TNPO1: variants seen among roughly 807,000 people sequenced by gnomAD.
TNPO1 encodes the protein transportin 1, also known as transportin-1.
A neutral mutation model predicts 119.5 loss-of-function variants in TNPO1; 8 were observed. The observed-to-expected ratio is 0.07, with a 90% confidence interval of 0.04 to 0.12. TNPO1 has a LOEUF of 0.12. TNPO1 is among the 10% of genes least tolerant of loss of function. TNPO1 has a pLI of 1.00. For synonymous variants in TNPO1, 362 were observed against 363.0 expected (o/e 1.00, Z 0.03); for missense variants, 576 against 1,089.8 (o/e 0.53, Z 6.64).
intron 8 of TNPO1, among the ~76,000 whole-genome samples, chr5:72,876,257 T>C (rs977598823): frequency 6.6e-6 from 1 of 152,196 alleles, no homozygotes; most frequent in Non-Finnish European, 1.5e-5. Flanking sequence ...TAGGACATGA[T>C]GTATCATGTA....
intron 21 of TNPO1, among the ~76,000 whole-genome samples, chr5:72,900,330 AAAG>A (rs1334167675): frequency 1.3e-5 from 2 of 152,200 alleles, no homozygotes; most frequent in African/African-American, 4.8e-5. Flanking sequence ...CTGTGTTAAA[AAAG>A]CTTGATTATA....
intron 16 of TNPO1, 42 bp downstream of exon 16, chr5:72,893,288 C>T (rs1386442536): frequency 6.2e-7 from 1 of 1,605,036 alleles, no homozygotes; most frequent in South Asian, 1.1e-5. Flanking sequence ...ACATGGTGGA[C>T]ATTTTTCTAA....
In TNPO1 at chr5:72,893,210, T is replaced by C; in HGVS notation, c.1860T>C (p.Cys620=). ...LPYCEPVYQR[C]VNLVQKTLAQ... is the part of the protein sequence containing the mutation. ...ACTGTGAACCTGTGTATCAGCGTTGTGTAAACCTAGTACAGAAGACTCTTG... is the reference window on the plus strand; with the variant it reads ...ACTGTGAACCTGTGTATCAGCGTTGCGTAAACCTAGTACAGAAGACTCTTG... The change falls in exon 16 of 25, where the codon TGT becomes TGC. Residue 620 remains cysteine, a synonymous_variant. Coordinates refer to ENST00000337273, the MANE Select transcript of TNPO1 (RefSeq NM_002270.4). 1.9e-6 allele frequency: 3 copies of C among 1,614,202 alleles called. No homozygotes were observed. The highest frequency in any genetic ancestry group is 2.5e-6 in the Non-Finnish European group (3 of 1,180,022).
At chr5:72,888,514 A>G (rs1490541035) in intron 13 of TNPO1, among the ~76,000 whole-genome samples, 1 of 152,148 alleles carries the variant, frequency 6.6e-6, no homozygotes, top group Non-Finnish European at 1.5e-5. Flanking sequence ...CGTATTTTAT[A>G]CATTTTGTTT....
chr5:72,830,264 T>TAC (rs1393412611), intron 1 of TNPO1, among the ~76,000 whole-genome samples: 1 of 152,150 alleles, frequency 6.6e-6, no homozygotes, highest in East Asian at 1.9e-4. Flanking sequence ...AAGCAGAATA[T>TAC]ACACACACTC....
intron 11 of TNPO1, among the ~76,000 whole-genome samples, chr5:72,883,979 G>A (rs1282168138): frequency 2.0e-5 from 3 of 151,850 alleles, no homozygotes; most frequent in Non-Finnish European, 4.4e-5. Flanking sequence ...TGAACTGTTG[G>A]GCTCAAGCGA....
intron 4 of TNPO1, among the ~76,000 whole-genome samples, chr5:72,860,057 A>G (rs1172918892): frequency 1.3e-5 from 2 of 152,098 alleles, no homozygotes; most frequent in African/African-American, 2.4e-5. Flanking sequence ...CTTACTATAC[A>G]ATTTAATTTT....
At chr5:72,843,248 A>G (rs1044005906) in intron 1 of TNPO1, among the ~76,000 whole-genome samples, 1 of 152,216 alleles carries the variant, frequency 6.6e-6, no homozygotes, top group East Asian at 1.9e-4. Flanking sequence ...TCAATTTTAC[A>G]TATACATGTG....
At chr5:72,862,908 A>G (rs967835717) in intron 5 of TNPO1, among the ~76,000 whole-genome samples, 20 of 151,946 alleles carry the variant, frequency 1.3e-4, no homozygotes, top group African/African-American at 4.1e-4. Flanking sequence ...TCAACCTCCC[A>G]AAGTGTTAGG....
intron 13 of TNPO1, among the ~76,000 whole-genome samples, chr5:72,888,753 G>A (rs1007099976): frequency 5.3e-5 from 8 of 152,192 alleles, no homozygotes; most frequent in African/African-American, 1.9e-4. Context: ...TAGACTACAG[G>A]TCAACCACCA....
chr5:72,894,347 C>T (rs1443649493), intron 18 of TNPO1, among the ~76,000 whole-genome samples: 2 of 151,960 alleles, frequency 1.3e-5, no homozygotes, highest in African/African-American at 4.8e-5. Flanking sequence ...TTTTTTCCCC[C>T]TTTTCTGCAT....
At chr5:72,891,945 A>G in intron 15 of TNPO1, 49 bp downstream of exon 15, 3 of 1,409,318 alleles carry the variant, frequency 2.1e-6, no homozygotes, top group Non-Finnish European at 3.0e-6. Context: ...CACATGTTCA[A>G]ATCCAAAATG....
At chr5:72,840,110 G>T (rs192808922) in intron 1 of TNPO1, among the ~76,000 whole-genome samples, 3 of 152,302 alleles carry the variant, frequency 2.0e-5, no homozygotes, top group African/African-American at 7.2e-5. Context: ...GAAAGGGAAA[G>T]AGTTGTATAA....
Position 72,897,115 on chromosome 5 carries a change from A to C in TNPO1, c.2302A>C (p.Arg768=), listed in dbSNP as rs1749489865. 6 of 1,612,204 alleles carry C rather than the reference A, an allele frequency of 3.7e-6. No homozygotes were observed. Among genetic ancestry groups the C allele is most frequent in the Non-Finnish European group, 5.1e-6 (6 of 1,179,352 alleles). Residue 768 remains arginine (R), a synonymous_variant, in exon 20 of 25, where the codon AGA becomes CGA. Transcript: ENST00000337273. ...GCACCAGCTTGTAGAAATCATTAAC[A>C]GACCCAACACACCAAAGACGTTGTT... ...VLHQLVEIIN[R]PNTPKTLLEN...
At position 72,861,771 on chromosome 5, in the gene TNPO1, C is replaced by A. The variant is rs376254935; in HGVS notation, c.356-37C>A. ...TCACATGGCAATGCCTGACATAATG[C>A]TGTTGGATTTCCTAAAGAAGTGTGT... On this transcript the variant is annotated intron_variant, in intron 4 of 24. Coordinates refer to ENST00000337273, the MANE Select transcript of TNPO1 (RefSeq NM_002270.4). The A allele has an allele frequency of 5.6e-6, 8 of 1,419,934 alleles. No homozygotes were observed. The African/African-American group carries it at 9.9e-5, about 18-fold the overall frequency. The allele number at this position is 1,419,934 out of a possible 1,614,324, so 88.0% of individuals were successfully genotyped here.
chr5:72,872,676 A>G lies in TNPO1; in HGVS notation c.634A>G (p.Ser212Gly). ...AVACVNQFII[S>G]RTQALMLHID... ...TGCATGTGTCAATCAGTTTATCATC[A>G]GTAGGACTCAAGCTCTAATGTTGCA... The change falls in exon 7 of 25, where the codon AGT becomes GGT. Residue 212 changes from serine to glycine, a missense_variant. Coordinates refer to ENST00000337273, the MANE Select transcript of TNPO1 (RefSeq NM_002270.4). 1 of 1,611,174 alleles carries G rather than the reference A, an allele frequency of 6.2e-7. No homozygotes were observed. Among genetic ancestry groups the G allele is most frequent in the Non-Finnish European group, 8.5e-7 (1 of 1,178,752 alleles).
At chr5:72,884,383 A>C (rs567256859) in intron 11 of TNPO1, among the ~76,000 whole-genome samples, 1 of 152,264 alleles carries the variant, frequency 6.6e-6, no homozygotes, top group African/African-American at 2.4e-5. Context: ...ATACTGTAAG[A>C]ACATTGCCAC....
chr5:72,879,340 A>G (rs970667389), intron 9 of TNPO1, among the ~76,000 whole-genome samples: 4 of 152,238 alleles, frequency 2.6e-5, no homozygotes, highest in Non-Finnish European at 4.4e-5. Context: ...AACCTAGGCT[A>G]TAACATTAGA....
Position 72,868,431 on chromosome 5 carries a change from C to CAAAAAAAAAAAAAA in TNPO1, c.596+2717_596+2730dup, listed in dbSNP as rs200691585. Reference sequence around the variant, plus strand: ...TGGATGACAGAGCAAGACTCCGTCTCAAAAAAAAAAAAAAAAAAAAAAAAA... The same window carrying CAAAAAAAAAAAAAA: ...TGGATGACAGAGCAAGACTCCGTCTCAAAAAAAAAAAAAAAAAAAAAAAAAAAAAAAAAAAAAAA... On this transcript the variant is annotated intron_variant, in intron 6 of 24. Coordinates refer to ENST00000337273, the MANE Select transcript of TNPO1 (RefSeq NM_002270.4). 4.4e-4 allele frequency among the ~76,000 whole-genome samples: 12 copies of CAAAAAAAAAAAAAA among 27,070 alleles called. 1 individual carries two copies. The highest frequency in any genetic ancestry group is 6.3e-4 in the Non-Finnish European group (9 of 14,212). The allele number at this position is 27,070 out of a possible 152,430, so 17.8% of individuals were successfully genotyped here.
Sources: allele counts gnomAD v4.1 joint callset (sites outside exome capture counted in the v4.1 genomes callset), GRCh38; gene constraint gnomAD v4.1.1; transcripts MANE v1.5; gene names NCBI Gene and HGNC (gene_info 2026-07-23, HGNC 2026-07-21).